ARHGAP8: variants seen among roughly 807,000 people sequenced by gnomAD.
The protein encoded by ARHGAP8 is Rho GTPase activating protein 8.
ARHGAP8 carries 62 observed loss-of-function variants against 46.1 expected under a neutral mutation model. That is an observed-to-expected ratio of 1.34 (90% CI 1.10 to 1.66). The LOEUF is 1.66. ARHGAP8 is among the 40% of genes most tolerant of loss of function. The probability of loss-of-function intolerance (pLI) is 0.00; values close to 1 mark genes in which losing one functional copy is unlikely to be tolerated. For missense variants in ARHGAP8, 923 were observed against 568.4 expected (o/e 1.62, Z -6.34); for synonymous variants, 375 against 243.1 (o/e 1.54, Z -5.05).
At chr22:44,854,016 C>G (rs1486703451) in intron 10 of ARHGAP8, among the ~76,000 whole-genome samples, 7 of 96,482 alleles carry the variant, frequency 7.3e-5, no homozygotes, top group Non-Finnish European at 1.3e-4. Context: ...CACAGCGAGA[C>G]TCTGTCTCAA....
chr22:44,811,728 G>C (rs1929348011), intron 4 of ARHGAP8, among the ~76,000 whole-genome samples: 1 of 152,184 alleles, frequency 6.6e-6, no homozygotes, highest in Non-Finnish European at 1.5e-5. Flanking sequence ...AGAATTAGAT[G>C]AGATCGCCTG....
At chr22:44,760,729 A>C (rs1169062997) in intron 1 of ARHGAP8, among the ~76,000 whole-genome samples, 1 of 152,232 alleles carries the variant, frequency 6.6e-6, no homozygotes, top group Admixed American at 6.5e-5. Flanking sequence ...CCATTTTGCT[A>C]TGAATTATAA....
chr22:44,859,754 A>C lies in ARHGAP8; in HGVS notation c.901A>C (p.Thr301Pro), dbSNP rs1601533789. The change falls in exon 11 of 12, where the codon ACT becomes CCT. Residue 301 changes from threonine (T) to proline (P), a missense_variant. Transcript: ENST00000356099. ...ITCVESSLRV[T>P]GCRQILRSLP... ...AGGTGTGGAGAGCAGCCTGCGTGTCACTGGCTGCCGCCAGATCTTACGGAG... is the reference window on the plus strand; with the variant it reads ...AGGTGTGGAGAGCAGCCTGCGTGTCCCTGGCTGCCGCCAGATCTTACGGAG... 1 of 1,613,864 alleles carries C rather than the reference A, an allele frequency of 6.2e-7. No individual in the cohort carries two copies. Among genetic ancestry groups the C allele is most frequent in the African/African-American group, 1.3e-5 (1 of 75,002 alleles).
intron 2 of ARHGAP8, among the ~76,000 whole-genome samples, chr22:44,797,813 A>T (rs1487957519): frequency 1.3e-5 from 2 of 151,220 alleles, no homozygotes; most frequent in African/African-American, 4.9e-5. Flanking sequence ...CAAGTGTGTA[A>T]TTTTTTTTTC....
chr22:44,822,610 C>T, intron 6 of ARHGAP8, 141 bp downstream of exon 6: 1 of 677,522 alleles, frequency 1.5e-6, no homozygotes, highest in Non-Finnish European at 2.3e-6. Context: ...GCGGCATCGA[C>T]AAAGATCCGC....
chr22:44,770,510 G>A (rs132465), intron 1 of ARHGAP8, among the ~76,000 whole-genome samples: 107,803 of 151,668 alleles, frequency 0.71, 38,493 homozygotes, highest in East Asian at 0.88. Flanking sequence ...GGTTCAAGCA[G>A]TCCTCCTGCC....
intron 2 of ARHGAP8, among the ~76,000 whole-genome samples, chr22:44,796,253 T>G (rs1322840326): frequency 2.6e-5 from 4 of 152,184 alleles, no homozygotes; most frequent in African/African-American, 9.7e-5. Flanking sequence ...CTGCTTCTGC[T>G]GCCTCTGCTC....
intron 2 of ARHGAP8, among the ~76,000 whole-genome samples, chr22:44,793,400 C>T (rs542149957): frequency 1.3e-5 from 2 of 152,344 alleles, no homozygotes; most frequent in East Asian, 1.9e-4. Flanking sequence ...GGACAACACA[C>T]ATCCACCGCC....
At chr22:44,835,038 G>A (rs1295145662) in intron 7 of ARHGAP8, among the ~76,000 whole-genome samples, 1 of 151,974 alleles carries the variant, frequency 6.6e-6, no homozygotes, top group Admixed American at 6.6e-5. Flanking sequence ...ATTAGGTCAT[G>A]TTTTTCCCCA....
chr22:44,831,489 A>G (rs1272476121), intron 7 of ARHGAP8, among the ~76,000 whole-genome samples: 1 of 151,918 alleles, frequency 6.6e-6, no homozygotes, highest in African/African-American at 2.4e-5. Flanking sequence ...TGAGGTCAGG[A>G]GTTCAAGACC....
intron 2 of ARHGAP8, among the ~76,000 whole-genome samples, chr22:44,793,529 TCAAA>T (rs1336964521): frequency 6.6e-6 from 1 of 152,134 alleles, no homozygotes; most frequent in Non-Finnish European, 1.5e-5. Context: ...GTTGGCAACT[TCAAA>T]CAAAAACCAT....
chr22:44,802,800 T>C (rs1477348899), intron 3 of ARHGAP8, among the ~76,000 whole-genome samples: 1 of 152,126 alleles, frequency 6.6e-6, no homozygotes, highest in Non-Finnish European at 1.5e-5. Context: ...CACATGGCCT[T>C]TTTGCCTCTG....
chr22:44,846,011 GCC>G (rs3216833), intron 8 of ARHGAP8, among the ~76,000 whole-genome samples: 14 of 151,332 alleles, frequency 9.3e-5, no homozygotes, highest in East Asian at 2.0e-4. Flanking sequence ...AGAAGTGAGT[GCC>G]CCCCCCCATC....
At chr22:44,760,111 C>T (rs746174995) in intron 1 of ARHGAP8, among the ~76,000 whole-genome samples, 11 of 152,200 alleles carry the variant, frequency 7.2e-5, no homozygotes, top group Non-Finnish European at 1.2e-4. Context: ...GTTTGGACTT[C>T]GCTGCCGCCA....
rs79310070 is a variant in ARHGAP8, at chr22:44,772,897, C to T, written c.-71-13560C>T. ...GCCGTGGTGCAATCATGTCTCATTG[C>T]AGCCCTGACCTCCTGGGTTCAAGCG... On this transcript the variant is annotated intron_variant, in intron 1 of 11. Transcript: ENST00000356099. 2.9e-3 allele frequency among the ~76,000 whole-genome samples: 425 copies of T among 147,898 alleles called. 1 individual carries two copies. Among genetic ancestry groups the T allele is most frequent in the African/African-American group, 0.01 (412 of 40,168 alleles).
intron 1 of ARHGAP8, among the ~76,000 whole-genome samples, chr22:44,778,169 C>G (rs1160186080): frequency 6.6e-6 from 1 of 152,008 alleles, no homozygotes; most frequent in Non-Finnish European, 1.5e-5. Flanking sequence ...AGTCTTTTAT[C>G]CCTCACCCCC....
intron 1 of ARHGAP8, among the ~76,000 whole-genome samples, chr22:44,764,819 G>A (rs551475520): frequency 6.6e-5 from 10 of 152,324 alleles, no homozygotes; most frequent in African/African-American, 1.4e-4. Flanking sequence ...TGCGCATTAC[G>A]TGTCCCTGCG....
At chr22:44,860,711 T>TC (rs1262494320) in intron 11 of ARHGAP8, among the ~76,000 whole-genome samples, 2 of 151,894 alleles carry the variant, frequency 1.3e-5, no homozygotes, top group Non-Finnish European at 2.9e-5. Flanking sequence ...TAGTGTGCTC[T>TC]CCCCCTGGGG....
At position 44,802,105 on chromosome 22, in the gene ARHGAP8, C is replaced by T; in HGVS notation, c.108C>T (p.Val36=). 6.2e-7 allele frequency: 1 copy of T among 1,614,156 alleles called. No individual in the cohort carries two copies. Among genetic ancestry groups the T allele is most frequent in the South Asian group, 1.1e-5 (1 of 91,078 alleles). The change falls in exon 3 of 12, where the codon GTC becomes GTT. Residue 36 remains valine (V), a synonymous_variant. Coordinates refer to ENST00000356099, the MANE Select transcript of ARHGAP8 (RefSeq NM_181335.3). The stretch of plus-strand genomic sequence containing the variant: ...ATGACCGCTTTGGAAGACGTGTTGT[C>T]ACGTTCAGCTGCTGCCGGATGCCAC... ...AGDDRFGRRV[V]TFSCCRMPPS...
Sources: allele counts gnomAD v4.1 joint callset (sites outside exome capture counted in the v4.1 genomes callset), GRCh38; gene constraint gnomAD v4.1.1; transcripts MANE v1.5; gene names NCBI Gene and HGNC (gene_info 2026-07-23, HGNC 2026-07-21).